Variants in RPS24 observed in about 807,000 individuals in gnomAD.
RPS24 encodes ribosomal protein S24.
For synonymous variants in RPS24, 72 were observed against 55.6 expected, an observed-to-expected ratio of 1.30 and a Z score of -1.31; for missense variants, 100 against 162.5, an observed-to-expected ratio of 0.62 and a Z score of 2.09.
rs775865079 is a variant in RPS24, at chr10:78,033,913, C to T, written c.3+9C>T. On this transcript the variant is annotated intron_variant, in intron 1 of 5. Coordinates refer to ENST00000372360, the MANE Select transcript of RPS24 (RefSeq NM_033022.4). ...GATAGATCGCCATCATGGTGAGTCTCCCTGGGCCCGTGCAGTCATCTGCCG... is the reference window on the plus strand; with the variant it reads ...GATAGATCGCCATCATGGTGAGTCTTCCTGGGCCCGTGCAGTCATCTGCCG... The T allele has an allele frequency of 1.5e-5, 25 of 1,613,988 alleles. No homozygotes were observed. Among genetic ancestry groups the T allele is most frequent in the African/African-American group, 2.7e-5 (2 of 74,934 alleles).
At chr10:78,039,559 T>C (rs1847947037) in intron 4 of RPS24, 1 of 152,822 alleles carries the variant, frequency 6.5e-6, no homozygotes. Context: ...GATGTTAGAA[T>C]TGGTATTTGT....
chr10:78,037,139 TGGG>T, intron 3 of RPS24, 52 bp from the exon 4 acceptor site: 1 of 1,558,340 alleles, frequency 6.4e-7, no homozygotes, highest in South Asian at 1.2e-5. Context: ...ACCAGAGTGG[TGGG>T]TAATGATTTT....
chr10:78,056,312 G>C (rs1239426881), exon 5 of RPS24: 3 of 152,180 alleles, frequency 2.0e-5, no homozygotes, highest in Admixed American at 6.5e-5. Context: ...GCAGTTTGAG[G>C]AAACACAGAC....
chr10:78,035,853 A>C (rs1847854468), intron 3 of RPS24, 133 bp downstream of exon 3: 2 of 803,794 alleles, frequency 2.5e-6, no homozygotes, highest in Admixed American at 3.8e-5. Context: ...AGAAAAAGTT[A>C]TTTCATAAAA....
At chr10:78,037,771 A>G in intron 4 of RPS24, 2 of 376,204 alleles carry the variant, frequency 5.3e-6, no homozygotes, top group Non-Finnish European at 9.6e-6. Context: ...CAGTTGGCCA[A>G]GACAAGTGAT....
chr10:78,042,913 G>A (rs1848001368), downstream of RPS24, among the ~76,000 whole-genome samples: 1 of 152,138 alleles, frequency 6.6e-6, no homozygotes, highest in Admixed American at 6.6e-5. Context: ...TGCCCTTAAA[G>A]ACAGCATCTT....
intron 4 of RPS24, among the ~76,000 whole-genome samples, chr10:78,049,853 A>G (rs556481983): frequency 6.6e-6 from 1 of 152,296 alleles, no homozygotes; most frequent in East Asian, 1.9e-4. Flanking sequence ...GCAACACCTA[A>G]TAACTGTGAG....
chr10:78,043,150 C>T (rs1272837588), downstream of RPS24, among the ~76,000 whole-genome samples: 15 of 152,084 alleles, frequency 9.9e-5, no homozygotes, highest in South Asian at 2.1e-4. Context: ...ACTACAGGTG[C>T]CCGCCACCAT....
chr10:78,040,739 T>TG (rs1178789060), downstream of RPS24: 2 of 1,435,686 alleles, frequency 1.4e-6, no homozygotes, highest in African/African-American at 2.8e-5. Flanking sequence ...TTCCTGGGAC[T>TG]GCTAGGAGGT....
chr10:78,051,751 A>G (rs1848100845), intron 4 of RPS24, among the ~76,000 whole-genome samples: 3 of 152,218 alleles, frequency 2.0e-5, no homozygotes, highest in Admixed American at 1.3e-4. Context: ...GATTTTAGCC[A>G]TGCAAGTAGG....
chr10:78,033,921 C>A lies in RPS24; in HGVS notation c.3+17C>A, dbSNP rs751476775. 1.9e-6 allele frequency: 3 copies of A among 1,614,036 alleles called. No homozygotes were observed. The Admixed American group carries it at 5.0e-5, about 27-fold the overall frequency. ...GCCATCATGGTGAGTCTCCCTGGGCCCGTGCAGTCATCTGCCGCGTATCCG... is the reference window on the plus strand; with the variant it reads ...GCCATCATGGTGAGTCTCCCTGGGCACGTGCAGTCATCTGCCGCGTATCCG... On this transcript the variant is annotated intron_variant, in intron 1 of 5. Coordinates refer to ENST00000372360, the MANE Select transcript of RPS24 (RefSeq NM_033022.4).
At chr10:78,033,932 T>C in intron 1 of RPS24, 28 bp downstream of exon 1, 1 of 1,613,882 alleles carries the variant, frequency 6.2e-7, no homozygotes, top group Non-Finnish European at 8.5e-7. Context: ...CGTGCAGTCA[T>C]CTGCCGCGTA....
chr10:78,034,286 G>A, intron 1 of RPS24: 1 of 342,066 alleles, frequency 2.9e-6, no homozygotes, highest in East Asian at 5.5e-5. Flanking sequence ...AAGAGGTGAA[G>A]AAGGTGCGGG....
downstream of RPS24, among the ~76,000 whole-genome samples, chr10:78,042,217 T>A (rs1847993651): frequency 6.6e-6 from 1 of 152,228 alleles, no homozygotes; most frequent in African/African-American, 2.4e-5. Flanking sequence ...GGGACAGGTA[T>A]TCTCTGGTCT....
At chr10:78,046,792 A>C (rs1277204688) in intron 4 of RPS24, among the ~76,000 whole-genome samples, 1 of 152,204 alleles carries the variant, frequency 6.6e-6, no homozygotes, top group Non-Finnish European at 1.5e-5. Context: ...CATTTGTGGA[A>C]CATCTTGCCA....
At chr10:78,045,343 C>T (rs1848032436), downstream of RPS24, among the ~76,000 whole-genome samples, 1 of 152,180 alleles carries the variant, frequency 6.6e-6, no homozygotes, top group Non-Finnish European at 1.5e-5. Context: ...GTCACAGTTC[C>T]TGATCTCCAC....
chr10:78,056,627 G>A (rs1247074579), exon 5 of RPS24: 1 of 152,090 alleles, frequency 6.6e-6, no homozygotes, highest in Non-Finnish European at 1.5e-5. Context: ...CTGAGGCTTG[G>A]AACTGCTGCA....
chr10:78,056,088 G>C (rs548211729), exon 5 of RPS24: 2 of 152,642 alleles, frequency 1.3e-5, no homozygotes, highest in South Asian at 4.2e-4. Context: ...CTCTTTGTAG[G>C]GGAGGGGGAG....
intron 5 of RPS24, 80 bp from the exon 6 acceptor site, chr10:78,040,535 G>A (rs913276659): frequency 4.0e-5 from 39 of 986,144 alleles, no homozygotes; most frequent in Non-Finnish European, 6.1e-5. Flanking sequence ...TTGTGCATGA[G>A]TGTTACTACT....
Sources: allele counts gnomAD v4.1 joint callset (sites outside exome capture counted in the v4.1 genomes callset), GRCh38; gene constraint gnomAD v4.1.1; transcripts MANE v1.5; gene names NCBI Gene and HGNC (gene_info 2026-07-23, HGNC 2026-07-21).